The following SNRPN variants were observed in gnomAD, a reference collection of about 807,000 sequenced individuals.
SNRPN encodes the protein small nuclear ribonucleoprotein polypeptide N, also known as small nuclear ribonucleoprotein-associated protein N.
Under a neutral mutation model 25.2 loss-of-function variants are expected in SNRPN, and 7 were observed. That is an observed-to-expected ratio of 0.28 (90% CI 0.16 to 0.52). SNRPN has a LOEUF of 0.52. Ranked by LOEUF, SNRPN falls within the 20% of genes least tolerant of loss-of-function variation. The pLI is 0.96. For missense variants in SNRPN, 196 were observed against 322.5 expected (o/e 0.61, Z 3.00); for synonymous variants, 124 against 110.6 (o/e 1.12, Z -0.76).
At chr15:24,970,937 C>T (rs890799251) in intron 3 of SNRPN, among the ~76,000 whole-genome samples, 4 of 152,000 alleles carry the variant, frequency 2.6e-5, no homozygotes, top group African/African-American at 7.3e-5. Context: ...GCATACTCTT[C>T]GATGGAGGAT....
chr15:24,914,900 C>T (rs947121754), intron 2 of SNRPN, among the ~76,000 whole-genome samples: 3 of 151,832 alleles, frequency 2.0e-5, no homozygotes, highest in East Asian at 1.9e-4. Flanking sequence ...GAAAAAGGGA[C>T]GTTATAACCA....
rs529182845 is a variant in SNRPN, at chr15:24,862,450, C to T, written c.-579+5734C>T. Among the ~76,000 whole-genome samples, 566 of 150,840 alleles carry T rather than the reference C, an allele frequency of 3.8e-3. 47 individuals are homozygous for T. Among genetic ancestry groups the T allele is most frequent in the African/African-American group, 0.013 (539 of 40,338 alleles). ...CACAAGAAACAGGTTCATCTTCAGG[C>T]ACAAATCCTCTTCAGATTGAAAGAG... On this transcript the variant is annotated intron_variant, in intron 1 of 11. Transcript: ENST00000400097.
intron 3 of SNRPN, among the ~76,000 whole-genome samples, chr15:24,933,732 C>G (rs2061039251): frequency 6.6e-6 from 1 of 152,300 alleles, no homozygotes; most frequent in East Asian, 1.9e-4. Context: ...GAAGAGGAGA[C>G]AAGGTGTGGG....
intron 2 of SNRPN, among the ~76,000 whole-genome samples, chr15:24,918,850 CATAT>C (rs200262960): frequency 0.021 from 2,416 of 115,692 alleles, 910 homozygotes; most frequent in African/African-American, 0.086. Flanking sequence ...TATATGCGCA[CATAT>C]ATATAACAAT....
At chr15:24,878,302 T>C (rs1011310402) in intron 1 of SNRPN, among the ~76,000 whole-genome samples, 1 of 152,198 alleles carries the variant, frequency 6.6e-6, no homozygotes, top group Non-Finnish European at 1.5e-5. Flanking sequence ...CAACCACCGC[T>C]GCCACGCAGC....
chr15:24,870,206 A>G (rs1274206412), intron 1 of SNRPN, among the ~76,000 whole-genome samples: 1 of 152,058 alleles, frequency 6.6e-6, no homozygotes, highest in Admixed American at 6.6e-5. Flanking sequence ...GGTACCCATC[A>G]TTTCTTCAAG....
chr15:24,838,016 C>T (rs140958366), intron 2 of SNRPN, among the ~76,000 whole-genome samples: 12,234 of 151,122 alleles, frequency 0.081, 675 homozygotes, highest in Middle Eastern at 0.15. Flanking sequence ...AGCCACTGTG[C>T]CCGGCCAACT....
chr15:24,909,647 T>C (rs1388114492), intron 2 of SNRPN: 10 of 1,226,182 alleles, frequency 8.2e-6, no homozygotes, highest in Non-Finnish European at 1.2e-5. Context: ...ACAAATGATA[T>C]CTCTGTTTGT....
intron 1 of SNRPN, among the ~76,000 whole-genome samples, chr15:24,858,182 G>A (rs1467956837): frequency 6.6e-6 from 1 of 152,092 alleles, no homozygotes; most frequent in East Asian, 1.9e-4. Context: ...TTTTAATCTT[G>A]TAGCTGATTT....
At chr15:24,862,215 G>C (rs994682943) in intron 1 of SNRPN, among the ~76,000 whole-genome samples, 4 of 151,212 alleles carry the variant, frequency 2.6e-5, no homozygotes, top group African/African-American at 9.9e-5. Flanking sequence ...TTTATCAAGG[G>C]AACCATATTA....
chr15:24,857,772 T>A (rs1025951839), intron 1 of SNRPN, among the ~76,000 whole-genome samples: 2 of 152,128 alleles, frequency 1.3e-5, no homozygotes, highest in Admixed American at 1.3e-4. Flanking sequence ...GGAACTATAA[T>A]AGAGAAGCAA....
At chr15:24,827,449 G>A (rs1042511267) in intron 1 of SNRPN, among the ~76,000 whole-genome samples, 1 of 146,766 alleles carries the variant, frequency 6.8e-6, no homozygotes, top group African/African-American at 2.5e-5. Flanking sequence ...CTGGGAGGCA[G>A]AGCTTCCAGT....
intron 2 of SNRPN, among the ~76,000 whole-genome samples, chr15:24,902,616 A>T (rs1049862013): frequency 6.6e-6 from 1 of 152,084 alleles, no homozygotes; most frequent in East Asian, 1.9e-4. Context: ...AGATGCTCAG[A>T]TGTGTCCAGA....
intron 1 of SNRPN, among the ~76,000 whole-genome samples, chr15:24,860,839 C>T (rs1360160408): frequency 6.6e-6 from 1 of 151,986 alleles, no homozygotes; most frequent in Non-Finnish European, 1.5e-5. Flanking sequence ...TGAGGAAGCC[C>T]ATATATTATA....
intron 4 of SNRPN, chr15:24,974,808 C>T (rs1323151806): frequency 1.5e-6 from 1 of 650,798 alleles, no homozygotes; most frequent in African/African-American, 1.8e-5. Flanking sequence ...ATCCACCCAC[C>T]TCGGCCTCCC....
intron 4 of SNRPN, 42 bp from the exon 5 acceptor site, chr15:24,975,316 G>T (rs1276359990): frequency 6.4e-7 from 1 of 1,560,512 alleles, no homozygotes; most frequent in Admixed American, 1.7e-5. Flanking sequence ...GAAGACTAGG[G>T]TGTTGGCAAG....
Position 24,828,690 on chromosome 15 carries a change from A to G in SNRPN, c.-686-1108A>G, listed in dbSNP as rs78283740. The stretch of plus-strand genomic sequence containing the variant: ...GATCACAACTATGAATATCCATTGC[A>G]CTGCAGCCTGAGAAATATAGCTAGG... On this transcript the variant is annotated intron_variant, in intron 1 of 12. Transcript: ENST00000400100. 2.6e-4 allele frequency among the ~76,000 whole-genome samples: 40 copies of G among 152,274 alleles called. 1 individual carries two copies. The East Asian group carries it at 7.7e-3, about 29-fold the overall frequency.
In SNRPN at chr15:24,929,842, T is replaced by TA. The variant is rs1277266054; in HGVS notation, c.-391+9720dup. 2.0e-5 allele frequency among the ~76,000 whole-genome samples: 3 copies of TA among 152,108 alleles called. No individual in the cohort carries two copies. The highest frequency in any genetic ancestry group is 4.4e-5 in the Non-Finnish European group (3 of 68,020). On this transcript the variant is annotated intron_variant, in intron 3 of 11. Coordinates refer to the SNRPN transcript ENST00000400097. This position sits in a 1 kb window ranked among gnomAD's most constrained non-coding sequence, Gnocchi z 5.3. Reference sequence around the variant, plus strand: ...TTTCAAATAAAATCAATTGAGACAGTAACAAATTTGCTCAAAGAATCAACC... The same window carrying TA: ...TTTCAAATAAAATCAATTGAGACAGTAAACAAATTTGCTCAAAGAATCAACC...
At chr15:24,955,155 T>G in intron 1 of SNRPN, 93 bp downstream of exon 1, 1 of 1,542,996 alleles carries the variant, frequency 6.5e-7, no homozygotes, top group Non-Finnish European at 8.9e-7. Flanking sequence ...CTTGGAGTAC[T>G]GAATAAACGG....
Sources: gnomAD v4.1 joint callset for allele counts (sites outside exome capture counted in the v4.1 genomes callset) on GRCh38, gnomAD v4.1.1 for gene constraint, Gnocchi (gnomAD v3.1) non-coding constraint, MANE v1.5 for transcripts, NCBI Gene and HGNC (gene_info 2026-07-23, HGNC 2026-07-21) for gene names.